The following SCARB1 variants were observed in gnomAD, a reference collection of about 807,000 sequenced individuals.
SCARB1 encodes scavenger receptor class B member 1.
A neutral mutation model predicts 57.2 loss-of-function variants in SCARB1; 30 were observed. That is an observed-to-expected ratio of 0.52 (90% CI 0.39 to 0.71). The LOEUF (loss-of-function observed/expected upper bound fraction) is 0.71, where lower values mean the gene tolerates loss of function less well. Ranked by LOEUF, SCARB1 falls within the 30% of genes least tolerant of loss-of-function variation. The pLI is 0.00. For missense variants in SCARB1, 543 were observed against 671.2 expected, an observed-to-expected ratio of 0.81 and a Z score of 2.11; for synonymous variants, 249 against 268.3, an observed-to-expected ratio of 0.93 and a Z score of 0.70.
At chr12:124,844,119 A>G (rs1952033400) in intron 1 of SCARB1, among the ~76,000 whole-genome samples, 1 of 152,204 alleles carries the variant, frequency 6.6e-6, no homozygotes, top group African/African-American at 2.4e-5. Context: ...GGCAGGAGTC[A>G]GACATAACCA....
In SCARB1 at chr12:124,814,127, A is replaced by T; in HGVS notation, c.630+75T>A. On this transcript the variant is annotated intron_variant, in intron 4 of 12. Transcript: ENST00000261693. The surrounding 1 kb of genome is among the most constrained non-coding windows in gnomAD (Gnocchi z 4.7). ...CAGCCAGCTACAAAGCAAGCTGGTG[A>T]CCAGTGTCCAGGCTGTGTGAGGGGA... 7.3e-7 allele frequency: 1 copy of T among 1,377,602 alleles called. No individual in the cohort carries two copies. Among genetic ancestry groups the T allele is most frequent in the Non-Finnish European group, 1.0e-6 (1 of 965,460 alleles). 85.3% of individuals were successfully genotyped at this position (1,377,602 alleles called of 1,614,324 possible).
At chr12:124,821,578 C>G (rs186080586) in intron 1 of SCARB1, 1 of 983,148 alleles carries the variant, frequency 1.0e-6, no homozygotes, top group Non-Finnish European at 1.2e-6. Flanking sequence ...AGAGACCCAG[C>G]GCAGCCCTGT....
chr12:124,835,924 C>T (rs951968375), intron 1 of SCARB1, among the ~76,000 whole-genome samples: 1 of 152,226 alleles, frequency 6.6e-6, no homozygotes, highest in Non-Finnish European at 1.5e-5. Flanking sequence ...CAACGGGCCC[C>T]ACCACTCCCT....
At chr12:124,834,573 G>A (rs1271182699) in intron 1 of SCARB1, among the ~76,000 whole-genome samples, 1 of 152,200 alleles carries the variant, frequency 6.6e-6, no homozygotes, top group African/African-American at 2.4e-5. Context: ...TTATCATTGT[G>A]GTGGTGTTTA....
rs750575341 is a variant in SCARB1, at chr12:124,822,527, G to A, written c.127-4820C>T. On this transcript the variant is annotated intron_variant, in intron 1 of 12. Coordinates refer to ENST00000261693, the MANE Select transcript of SCARB1 (RefSeq NM_005505.5). The surrounding 1 kb of genome is among the most constrained non-coding windows in gnomAD (Gnocchi z 5.0). ...ACCGGGATGGAGGGAGGGGACTAAC[G>A]TGAACTGGCCCAGCTATCTTGATTT... is the stretch of plus-strand genomic sequence containing the variant. Among the ~76,000 whole-genome samples, 3 of 152,212 alleles carry A rather than the reference G, an allele frequency of 2.0e-5. No homozygotes were observed. The highest frequency in any genetic ancestry group is 4.8e-5 in the African/African-American group (2 of 41,448).
intron 12 of SCARB1, among the ~76,000 whole-genome samples, chr12:124,778,921 C>T (rs1006610018): frequency 6.6e-6 from 1 of 152,140 alleles, no homozygotes; most frequent in African/African-American, 2.4e-5. Context: ...AAGCTCTGTC[C>T]CTCAGGAGGA....
intron 1 of SCARB1, chr12:124,862,425 A>C (rs970996804): frequency 3.9e-5 from 6 of 152,234 alleles, no homozygotes; most frequent in Admixed American, 3.3e-4. Context: ...CTTTAAGGCC[A>C]GCTAGCTGGG....
intron 1 of SCARB1, among the ~76,000 whole-genome samples, chr12:124,823,042 G>A (rs1458042530): frequency 2.0e-5 from 3 of 152,188 alleles, no homozygotes; most frequent in South Asian, 2.1e-4. Flanking sequence ...GCAGATATGT[G>A]CATACACATA....
At chr12:124,846,187 T>C (rs919824596) in intron 1 of SCARB1, among the ~76,000 whole-genome samples, 2 of 152,324 alleles carry the variant, frequency 1.3e-5, no homozygotes, top group Non-Finnish European at 2.9e-5. Flanking sequence ...TATCACTGAA[T>C]TATTCGATTT....
chr12:124,812,020 C>T lies in SCARB1; in HGVS notation c.631-55G>A, dbSNP rs1950552313. On this transcript the variant is annotated intron_variant, in intron 4 of 12. Transcript: ENST00000261693. The surrounding 1 kb of genome is among the most constrained non-coding windows in gnomAD (Gnocchi z 4.3). ...AGGCTTAGGCCTGCCATTGAGCCGG[C>T]CTGGTCTGAACATTCTGGGCTGAGC... The T allele has an allele frequency of 5.0e-6, 7 of 1,398,354 alleles. No homozygotes were observed. The highest frequency in any genetic ancestry group is 7.0e-6 in the Non-Finnish European group (7 of 1,001,536). 86.6% of individuals were successfully genotyped at this position (1,398,354 alleles called of 1,614,324 possible).
chr12:124,788,463 T>A (rs1329561306), intron 9 of SCARB1, among the ~76,000 whole-genome samples: 2 of 152,198 alleles, frequency 1.3e-5, no homozygotes, highest in African/African-American at 2.4e-5. Flanking sequence ...AAAAAGAAGC[T>A]TTCACAGCTG....
intron 1 of SCARB1, among the ~76,000 whole-genome samples, chr12:124,863,188 C>G (rs1212371049): frequency 1.3e-5 from 2 of 150,192 alleles, no homozygotes; most frequent in African/African-American, 2.5e-5. Flanking sequence ...TTTACCGGAC[C>G]CTGCTACCGG....
rs577634127 is a variant in SCARB1 at position 124,803,648 on chromosome 12, C to CA, written c.1010-3407dup. Among the ~76,000 whole-genome samples, 110 of 104,996 alleles carry CA rather than the reference C, an allele frequency of 1.0e-3. No homozygotes were observed. In the Middle Eastern group the frequency reaches 0.041, roughly 39 times the overall value. The allele number at this position is 104,996 out of a possible 152,430, so 68.9% of individuals were successfully genotyped here. A position where few individuals can be genotyped will look rare whatever the true frequency, so the allele number is the denominator to read the frequency against. On this transcript the variant is annotated intron_variant, in intron 7 of 12. Transcript: ENST00000261693. ...TATCTATGTATATTTTATTTAGAAG[C>CA]AAAAACTAAGCCCGGGCAAGACGGC...
chr12:124,790,484 C>A (rs763982694), intron 9 of SCARB1, among the ~76,000 whole-genome samples: 1 of 152,162 alleles, frequency 6.6e-6, no homozygotes, highest in Non-Finnish European at 1.5e-5. Context: ...CACAGGTTCT[C>A]CCCTGGAGCC....
chr12:124,816,313 G>C (rs1950716006), intron 2 of SCARB1, among the ~76,000 whole-genome samples: 1 of 152,164 alleles, frequency 6.6e-6, no homozygotes, highest in Admixed American at 6.5e-5. Flanking sequence ...TGCGCCCCCA[G>C]CACACAGGAG....
chr12:124,846,262 T>C (rs1362441104), intron 1 of SCARB1, among the ~76,000 whole-genome samples: 1 of 152,180 alleles, frequency 6.6e-6, no homozygotes, highest in African/African-American at 2.4e-5. Context: ...AAACAAATGA[T>C]AGGATTGGAA....
intron 10 of SCARB1, 110 bp downstream of exon 10, chr12:124,787,296 C>T: frequency 1.0e-6 from 1 of 976,138 alleles, no homozygotes; most frequent in Admixed American, 2.0e-5. Flanking sequence ...GTCCGGTTAC[C>T]CTGGCTCAGC....
intron 1 of SCARB1, among the ~76,000 whole-genome samples, chr12:124,825,256 C>T (rs1240622564): frequency 6.6e-6 from 1 of 151,170 alleles, no homozygotes; most frequent in Non-Finnish European, 1.5e-5. Flanking sequence ...AAGCTGATCC[C>T]CACCCACCCC....
At position 124,807,123 on chromosome 12, in the gene SCARB1, C is replaced by A. The variant is rs1476213263; in HGVS notation, c.1009+638G>T. Among the ~76,000 whole-genome samples the A allele has an allele frequency of 2.0e-5, 3 of 152,202 alleles. No homozygotes were observed. The highest frequency in any genetic ancestry group is 7.2e-5 in the African/African-American group (3 of 41,524). On this transcript the variant is annotated intron_variant, in intron 7 of 12. Coordinates refer to ENST00000261693, the MANE Select transcript of SCARB1 (RefSeq NM_005505.5). The surrounding 1 kb of genome is among the most constrained non-coding windows in gnomAD (Gnocchi z 5.3). The stretch of plus-strand genomic sequence containing the variant: ...GGCTGAGGTGGGAGGATCACTTGAA[C>A]CTGGGAGGCGGAGGTTGCAGTGAGC...
Sources: gnomAD v4.1 joint callset for allele counts (sites outside exome capture counted in the v4.1 genomes callset) on GRCh38, gnomAD v4.1.1 for gene constraint, Gnocchi (gnomAD v3.1) non-coding constraint, MANE v1.5 for transcripts, NCBI Gene and HGNC (gene_info 2026-07-23, HGNC 2026-07-21) for gene names.